The following FBXO33 variants were observed in gnomAD, a reference collection of about 807,000 sequenced individuals.
FBXO33 encodes F-box only protein 33.
Under a neutral mutation model 46.3 loss-of-function variants are expected in FBXO33, and 22 were observed. The ratio of observed to expected loss-of-function variants is 0.48; its 90% confidence interval spans 0.34 to 0.68. FBXO33 has a LOEUF of 0.68. Among genes scored for constraint, FBXO33 ranks in the 30% least tolerant of loss-of-function variants. The pLI is 0.01. For synonymous variants in FBXO33, 337 were observed against 291.3 expected, an observed-to-expected ratio of 1.16 and a Z score of -1.60; for missense variants, 692 against 708.8, an observed-to-expected ratio of 0.98 and a Z score of 0.27.
At chr14:39,429,865 T>C (rs2075534482) in intron 1 of FBXO33, among the ~76,000 whole-genome samples, 1 of 152,148 alleles carries the variant, frequency 6.6e-6, no homozygotes, top group Non-Finnish European at 1.5e-5. Flanking sequence ...GACAGGAGAA[T>C]TAAGCTACAA....
chr14:39,401,090 T>C (rs2075366451), intron 3 of FBXO33, 86 bp downstream of exon 3: 1 of 1,221,750 alleles, frequency 8.2e-7, no homozygotes, highest in South Asian at 1.5e-5. Flanking sequence ...TTCTTGATAC[T>C]ATAAAGGTCA....
chr14:39,424,439 A>G (rs926247143), intron 1 of FBXO33, among the ~76,000 whole-genome samples: 7 of 152,242 alleles, frequency 4.6e-5, no homozygotes, highest in African/African-American at 1.7e-4. Context: ...ATCTCCAAAT[A>G]CTAACACAGG....
intron 1 of FBXO33, among the ~76,000 whole-genome samples, chr14:39,423,736 T>C (rs1003513980): frequency 2.0e-5 from 3 of 152,178 alleles, no homozygotes; most frequent in African/African-American, 7.2e-5. Flanking sequence ...TGGTTACCTT[T>C]GAGGAAAGGG....
chr14:39,424,808 G>A (rs1595988219), intron 1 of FBXO33, among the ~76,000 whole-genome samples: 1 of 152,044 alleles, frequency 6.6e-6, no homozygotes, highest in Non-Finnish European at 1.5e-5. Flanking sequence ...TAATCCCAGC[G>A]CTTTGGGAGG....
chr14:39,426,121 T>A (rs1028189825), intron 1 of FBXO33, among the ~76,000 whole-genome samples: 24 of 152,020 alleles, frequency 1.6e-4, no homozygotes, highest in African/African-American at 4.1e-4. Flanking sequence ...ATGCTATTTT[T>A]AAAAATTATT....
Position 39,401,189 on chromosome 14 carries a change from A to T in FBXO33, c.1383T>A (p.Leu461=). 1 of 1,584,408 alleles carries T rather than the reference A, an allele frequency of 6.3e-7. No homozygotes were observed. Among genetic ancestry groups the T allele is most frequent in the Non-Finnish European group, 8.6e-7 (1 of 1,168,374 alleles). The change falls in exon 3 of 4, where the codon CTT becomes CTA. Residue 461 remains leucine (L), a synonymous_variant. Transcript: ENST00000298097. ...AAGATCACCTACCATGAATTGCCAG[A>T]AGAGAGAGCTTTGTGCACCTCCATG... is the stretch of plus-strand genomic sequence containing the variant. ...LLAWRCTKLS[L]LAIHGYTVWA... is the part of the protein sequence containing the mutation.
rs1297974210 is a variant in FBXO33 at position 39,398,453 on chromosome 14, TG to T, written c.*1062del. 12 of 151,402 alleles carry T rather than the reference TG, an allele frequency of 7.9e-5. No homozygotes were observed. The highest frequency in any genetic ancestry group is 1.7e-4 in the African/African-American group (7 of 40,932). 9.4% of individuals were successfully genotyped at this position (151,402 alleles called of 1,614,324 possible). A position where few individuals can be genotyped will look rare whatever the true frequency, so the allele number is the denominator to read the frequency against. On this transcript the variant is annotated 3_prime_UTR_variant, in exon 4 of 4. Coordinates refer to ENST00000298097, the MANE Select transcript of FBXO33 (RefSeq NM_203301.4). ...CACTATTCACAGTGAAACAGGTGCA[TG>T]TTTTTTTTTTCTTTTTTTTTTTTTT...
intron 1 of FBXO33, among the ~76,000 whole-genome samples, chr14:39,429,057 T>A (rs1024027962): frequency 6.6e-6 from 1 of 152,198 alleles, no homozygotes; most frequent in Non-Finnish European, 1.5e-5. Context: ...ATAATCACTA[T>A]GAGAATACAT....
At chr14:39,416,339 G>C (rs2075448753) in intron 1 of FBXO33, among the ~76,000 whole-genome samples, 1 of 151,754 alleles carries the variant, frequency 6.6e-6, no homozygotes, top group African/African-American at 2.4e-5. Context: ...ATATGTGTTG[G>C]TGTAGACCAT....
intron 1 of FBXO33, among the ~76,000 whole-genome samples, chr14:39,409,758 TA>T (rs1257316037): frequency 6.6e-6 from 1 of 152,198 alleles, no homozygotes; most frequent in East Asian, 1.9e-4. Flanking sequence ...CTTTTATCAG[TA>T]AAACAGAAGA....
chr14:39,431,438 T>G, intron 1 of FBXO33, 126 bp downstream of exon 1: 1 of 1,503,870 alleles, frequency 6.6e-7, no homozygotes, highest in East Asian at 2.4e-5. Flanking sequence ...GAACCAACAC[T>G]CTCCGTCACT....
chr14:39,406,754 C>G (rs1270589334), intron 1 of FBXO33, among the ~76,000 whole-genome samples: 2 of 152,050 alleles, frequency 1.3e-5, no homozygotes, highest in African/African-American at 2.4e-5. Context: ...TTGGGCAAAA[C>G]TACAAGTCTG....
chr14:39,411,028 C>T (rs1347445563), intron 1 of FBXO33, among the ~76,000 whole-genome samples: 1 of 152,114 alleles, frequency 6.6e-6, no homozygotes, highest in Non-Finnish European at 1.5e-5. Flanking sequence ...CTTTCTTCTG[C>T]TAACTTGGGG....
At chr14:39,422,531 G>C (rs781719093) in intron 1 of FBXO33, among the ~76,000 whole-genome samples, 2 of 152,168 alleles carry the variant, frequency 1.3e-5, no homozygotes, top group Non-Finnish European at 2.9e-5. Context: ...GTCCTTACAA[G>C]AGCCTCACAA....
chr14:39,429,781 A>G (rs1208165661), intron 1 of FBXO33, among the ~76,000 whole-genome samples: 1 of 152,208 alleles, frequency 6.6e-6, no homozygotes, highest in Non-Finnish European at 1.5e-5. Flanking sequence ...CTGACCCAGA[A>G]GGGCAGGCAT....
At chr14:39,419,882 T>C (rs1467209121) in intron 1 of FBXO33, among the ~76,000 whole-genome samples, 1 of 152,240 alleles carries the variant, frequency 6.6e-6, no homozygotes, top group Non-Finnish European at 1.5e-5. Context: ...CTAGTCCCTA[T>C]GTAAATCCTA....
chr14:39,401,473 T>C lies in FBXO33; in HGVS notation c.1099A>G (p.Ser367Gly). Residue 367 changes from serine (S) to glycine (G), a missense_variant, in exon 3 of 4, where the codon AGC becomes GGC. By Grantham distance (56) the Ser-to-Gly change is moderately conservative. Around this residue, in one of 3 missense-constraint regions of FBXO33, gnomAD observed 186 missense variants for 246.1 expected, o/e 0.76. Coordinates refer to ENST00000298097, the MANE Select transcript of FBXO33 (RefSeq NM_203301.4). ...ATTATATAGACCCGAAAGCTGGTGC[T>C]CTTTCGTGACAGGGCTTTCCAATGC... ...DEHWKALSRK[S>G]TSFRVYIMAF... The C allele has an allele frequency of 6.2e-7, 1 of 1,614,196 alleles. No homozygotes were observed. Among genetic ancestry groups the C allele is most frequent in the Non-Finnish European group, 8.5e-7 (1 of 1,180,028 alleles).
At position 39,401,170 on chromosome 14, in the gene FBXO33, A is replaced by G; in HGVS notation, c.1396+6T>C. On this transcript the variant is annotated splice_donor_region_variant and intron_variant, in intron 3 of 3. Transcript: ENST00000298097. ...GTATCAGATTACAATGAACAAGATCACCTACCATGAATTGCCAGAAGAGAG... is the reference window on the plus strand; with the variant it reads ...GTATCAGATTACAATGAACAAGATCGCCTACCATGAATTGCCAGAAGAGAG... The G allele has an allele frequency of 6.4e-7, 1 of 1,566,180 alleles. No homozygotes were observed. The highest frequency in any genetic ancestry group is 8.6e-7 in the Non-Finnish European group (1 of 1,160,938).
At chr14:39,405,852 G>A (rs375728395) in intron 1 of FBXO33, among the ~76,000 whole-genome samples, 41 of 126,230 alleles carry the variant, frequency 3.2e-4, no homozygotes, top group South Asian at 9.9e-4. Flanking sequence ...AATTACTAAT[G>A]GAAATAATCT....
Sources: gnomAD v4.1 joint callset for allele counts (sites outside exome capture counted in the v4.1 genomes callset) on GRCh38, gnomAD v4.1.1 for gene constraint, gnomAD v4.1.1 regional missense constraint, MANE v1.5 for transcripts, NCBI Gene and HGNC (gene_info 2026-07-23, HGNC 2026-07-21) for gene names.